UNC5C: variants seen among roughly 807,000 people sequenced by gnomAD.
The protein encoded by UNC5C is unc-5 netrin receptor C.
Under a neutral mutation model 99.8 loss-of-function variants are expected in UNC5C, and 47 were observed. That is an observed-to-expected ratio of 0.47 (90% CI 0.37 to 0.60). The LOEUF is 0.60. Among genes scored for constraint, UNC5C ranks in the 20% least tolerant of loss-of-function variants. The pLI, the probability that UNC5C is intolerant of heterozygous loss-of-function variation, is 0.00. For synonymous variants in UNC5C, 487 were observed against 452.2 expected, an observed-to-expected ratio of 1.08 and a Z score of -0.98; for missense variants, 1,062 against 1,165.9, an observed-to-expected ratio of 0.91 and a Z score of 1.30.
intron 7 of UNC5C, among the ~76,000 whole-genome samples, chr4:95,237,107 T>C (rs1579256121): frequency 6.6e-6 from 1 of 152,352 alleles, no homozygotes; most frequent in South Asian, 2.1e-4. Context: ...TAAATTGTTA[T>C]ACTGTATTTT....
At chr4:95,218,180 C>T (rs1738331365) in intron 9 of UNC5C, among the ~76,000 whole-genome samples, 1 of 152,136 alleles carries the variant, frequency 6.6e-6, no homozygotes, top group Admixed American at 6.5e-5. Flanking sequence ...TACTCACAGC[C>T]TTGCCCAAAA....
At chr4:95,278,894 A>G (rs76070998) in intron 3 of UNC5C, among the ~76,000 whole-genome samples, 7,144 of 152,266 alleles carry the variant, frequency 0.047, 550 homozygotes, top group African/African-American at 0.16. Flanking sequence ...TTAAACTTCA[A>G]TGGAAGCCTT....
In UNC5C at chr4:95,481,037, G is replaced by T. The variant is rs1208772633; in HGVS notation, c.124+67697C>A. ...AATTAGGCAGGAGAAGGAAATAAAGGGTATTCAATTAGGAAAAGAGGAAGT... is the reference window on the plus strand; with the variant it reads ...AATTAGGCAGGAGAAGGAAATAAAGTGTATTCAATTAGGAAAAGAGGAAGT... On this transcript the variant is annotated intron_variant, in intron 1 of 15. Transcript: ENST00000453304. Among the ~76,000 whole-genome samples, 34 of 149,152 alleles carry T rather than the reference G, an allele frequency of 2.3e-4. No individual in the cohort carries two copies. The South Asian group carries it at 5.6e-3, about 25-fold the overall frequency.
chr4:95,285,036 G>A (rs1329081280), intron 3 of UNC5C, among the ~76,000 whole-genome samples: 1 of 152,166 alleles, frequency 6.6e-6, no homozygotes, highest in Non-Finnish European at 1.5e-5. Context: ...ATCTCCCTGT[G>A]TTAGCTAAGC....
intron 1 of UNC5C, among the ~76,000 whole-genome samples, chr4:95,371,502 G>A (rs1744748894): frequency 6.6e-6 from 1 of 151,948 alleles, no homozygotes; most frequent in South Asian, 2.1e-4. Context: ...AGCATAATCT[G>A]ATGGTTTAGA....
intron 1 of UNC5C, among the ~76,000 whole-genome samples, chr4:95,362,395 C>T (rs934009253): frequency 2.6e-5 from 4 of 152,070 alleles, no homozygotes; most frequent in Admixed American, 6.6e-5. Context: ...GTTAGTATGA[C>T]GCTGTTCATG....
chr4:95,184,968 G>A (rs1249368126), intron 13 of UNC5C, 79 bp downstream of exon 13: 2 of 1,361,572 alleles, frequency 1.5e-6, no homozygotes, highest in Admixed American at 2.7e-5. Context: ...TCAAGGAAGG[G>A]GATTTCCTAT....
intron 1 of UNC5C, among the ~76,000 whole-genome samples, chr4:95,467,574 C>T (rs900772775): frequency 2.0e-5 from 3 of 152,048 alleles, no homozygotes; most frequent in African/African-American, 4.8e-5. Context: ...GAAATAAGAG[C>T]GTGAAATTAT....
rs189982732 is a variant in UNC5C at position 95,387,864 on chromosome 4, C to T, written c.125-52233G>A. On this transcript the variant is annotated intron_variant, in intron 1 of 15. Coordinates refer to ENST00000453304, the MANE Select transcript of UNC5C (RefSeq NM_003728.4). ...AACTGTCTAAATGATTGACTGCTCC[C>T]CAAAAGTATGGGAATGATTTCCAAG... Among the ~76,000 whole-genome samples the T allele has an allele frequency of 3.0e-3, 462 of 152,142 alleles. 4 individuals are homozygous for T. Among genetic ancestry groups the T allele is most frequent in the African/African-American group, 0.01 (425 of 41,522 alleles).
Position 95,424,345 on chromosome 4 carries a change from T to C in UNC5C, c.125-88714A>G, listed in dbSNP as rs572760619. ...CCATATATACGTGTCTGTGTATATATACACAGTGTATGAAGAGTAGGAAAT... is the reference window on the plus strand; with the variant it reads ...CCATATATACGTGTCTGTGTATATACACACAGTGTATGAAGAGTAGGAAAT... On this transcript the variant is annotated intron_variant, in intron 1 of 15. Coordinates refer to ENST00000453304, the MANE Select transcript of UNC5C (RefSeq NM_003728.4). Among the ~76,000 whole-genome samples the C allele has an allele frequency of 9.9e-5, 15 of 151,880 alleles. No homozygotes were observed. In the East Asian group the frequency reaches 2.9e-3, roughly 30 times the overall value.
rs1735813980 is a variant in UNC5C, at chr4:95,165,166, CCTTA to C, written c.*4064_*4067del. 6.6e-6 allele frequency: 1 copy of C among 152,146 alleles called. No homozygotes were observed. The highest frequency in any genetic ancestry group is 1.5e-5 in the Non-Finnish European group (1 of 68,026). The allele number at this position is 152,146 out of a possible 1,614,324, so 9.4% of individuals were successfully genotyped here. Reference sequence around the variant, plus strand: ...CCTCAAAACGTTGACTTTTCAGATACCTTACTTGTAGGAAAAAATACCTTAAAAA... The same window carrying C: ...CCTCAAAACGTTGACTTTTCAGATACCTTGTAGGAAAAAATACCTTAAAAA... On this transcript the variant is annotated 3_prime_UTR_variant, in exon 16 of 16. Coordinates refer to ENST00000453304, the MANE Select transcript of UNC5C (RefSeq NM_003728.4).
At chr4:95,531,947 A>T (rs952453008) in intron 1 of UNC5C, among the ~76,000 whole-genome samples, 8 of 152,222 alleles carry the variant, frequency 5.3e-5, no homozygotes, top group Non-Finnish European at 8.8e-5. Context: ...CATAAGATAG[A>T]ATTCTACAGT....
chr4:95,190,513 A>G (rs996650449), intron 12 of UNC5C, among the ~76,000 whole-genome samples: 8 of 152,000 alleles, frequency 5.3e-5, no homozygotes, highest in African/African-American at 1.9e-4. Flanking sequence ...TTTTGTCGGG[A>G]CAAAGTCTTG....
At chr4:95,232,875 C>G (rs566476889) in intron 7 of UNC5C, among the ~76,000 whole-genome samples, 9 of 152,280 alleles carry the variant, frequency 5.9e-5, no homozygotes, top group Admixed American at 5.2e-4. Flanking sequence ...ACAAACACAG[C>G]TATGACATCA....
At chr4:95,406,517 C>A (rs1490966101) in intron 1 of UNC5C, among the ~76,000 whole-genome samples, 2 of 152,152 alleles carry the variant, frequency 1.3e-5, no homozygotes, top group African/African-American at 2.4e-5. Flanking sequence ...GTAGTTTAGG[C>A]AGGGCTTATA....
Position 95,257,157 on chromosome 4 carries a change from C to T in UNC5C, c.595-6490G>A, listed in dbSNP as rs951804767. On this transcript the variant is annotated intron_variant, in intron 4 of 15. Coordinates refer to ENST00000453304, the MANE Select transcript of UNC5C (RefSeq NM_003728.4). ...CACACTATACCTCATCTCAAACCCTCCTAATGGCTCCTTCTCTTACTCAGT... is the reference window on the plus strand; with the variant it reads ...CACACTATACCTCATCTCAAACCCTTCTAATGGCTCCTTCTCTTACTCAGT... Among the ~76,000 whole-genome samples, 4 of 152,270 alleles carry T rather than the reference C, an allele frequency of 2.6e-5. No individual in the cohort carries two copies. In the East Asian group the frequency reaches 7.7e-4, roughly 29 times the overall value.
At chr4:95,252,975 T>G (rs1269878879) in intron 4 of UNC5C, among the ~76,000 whole-genome samples, 1 of 152,224 alleles carries the variant, frequency 6.6e-6, no homozygotes, top group Non-Finnish European at 1.5e-5. Context: ...ATGAAACAAA[T>G]GAATTTCATG....
intron 7 of UNC5C, among the ~76,000 whole-genome samples, chr4:95,221,092 C>T (rs1353428168): frequency 6.6e-6 from 1 of 152,174 alleles, no homozygotes. Context: ...TGGCACAGAA[C>T]ATGCTTGCAT....
intron 1 of UNC5C, among the ~76,000 whole-genome samples, chr4:95,544,188 T>C (rs1722998051): frequency 6.6e-6 from 1 of 152,214 alleles, no homozygotes; most frequent in East Asian, 1.9e-4. Context: ...TTAAATGTCT[T>C]GCTCATAGTC....
Sources: allele counts gnomAD v4.1 joint callset (sites outside exome capture counted in the v4.1 genomes callset), GRCh38; gene constraint gnomAD v4.1.1; transcripts MANE v1.5; gene names NCBI Gene and HGNC (gene_info 2026-07-23, HGNC 2026-07-21).